The following NSD3 variants were observed in gnomAD, a reference collection of about 807,000 sequenced individuals.
NSD3 encodes nuclear receptor binding SET domain protein 3.
A neutral mutation model predicts 160.8 loss-of-function variants in NSD3; 24 were observed. The observed-to-expected ratio is 0.15, with a 90% confidence interval of 0.11 to 0.21. The LOEUF (loss-of-function observed/expected upper bound fraction) is 0.21, where lower values mean the gene tolerates loss of function less well. NSD3 is among the 10% of genes least tolerant of loss of function. NSD3 has a pLI of 1.00. For synonymous variants in NSD3, 520 were observed against 600.0 expected (o/e 0.87, Z 1.95); for missense variants, 1,157 against 1,735.9 (o/e 0.67, Z 5.93).
chr8:38,351,615 A>G (rs182050669), intron 1 of NSD3, among the ~76,000 whole-genome samples: 71 of 151,512 alleles, frequency 4.7e-4, no homozygotes, highest in African/African-American at 1.6e-3. Flanking sequence ...GTGAGCAGAG[A>G]TCGCACCATT....
intron 1 of NSD3, among the ~76,000 whole-genome samples, chr8:38,370,161 C>A (rs975303430): frequency 3.3e-5 from 5 of 152,020 alleles, no homozygotes; most frequent in South Asian, 2.1e-4. Context: ...GAACAACTTT[C>A]GGGGGGAAGG....
chr8:38,282,771 T>G (rs1224389886), intron 19 of NSD3, among the ~76,000 whole-genome samples: 1 of 150,480 alleles, frequency 6.6e-6, no homozygotes, highest in Non-Finnish European at 1.5e-5. Flanking sequence ...ATCAGGCAGA[T>G]TCTCTTGAGA....
In NSD3 at chr8:38,317,586, G is replaced by C; in HGVS notation, c.1855+1309C>G. ...ATTAAAAAAAATAAGAACTTTTAAT[G>C]ATTGTAATGTATACAGTTTGGGCTG... is the stretch of plus-strand genomic sequence containing the variant. On this transcript the variant is annotated intron_variant, in intron 9 of 23. Coordinates refer to ENST00000317025, the MANE Select transcript of NSD3 (RefSeq NM_023034.2). The surrounding 1 kb of genome is among the most constrained non-coding windows in gnomAD (Gnocchi z 5.3). 3 of 1,071,686 alleles carry C rather than the reference G, an allele frequency of 2.8e-6. No homozygotes were observed. Among genetic ancestry groups the C allele is most frequent in the Non-Finnish European group, 2.3e-6 (2 of 883,596 alleles). The allele number at this position is 1,071,686 out of a possible 1,614,324, so 66.4% of individuals were successfully genotyped here. A position where few individuals can be genotyped will look rare whatever the true frequency, so the allele number is the denominator to read the frequency against.
At chr8:38,352,218 T>C (rs1273774415) in intron 1 of NSD3, among the ~76,000 whole-genome samples, 1 of 152,110 alleles carries the variant, frequency 6.6e-6, no homozygotes, top group Admixed American at 6.5e-5. Context: ...AAGCTGACAA[T>C]ACACTTTTCA....
At chr8:38,325,742 A>G (rs1809892907) in intron 7 of NSD3, among the ~76,000 whole-genome samples, 1 of 151,958 alleles carries the variant, frequency 6.6e-6, no homozygotes, top group South Asian at 2.1e-4. Context: ...CTGTGGTCCC[A>G]GCTACCTAGG....
rs757422701 is a variant in NSD3 at position 38,329,889 on chromosome 8, C to T, written c.1070G>A (p.Arg357Gln). 3.2e-6 allele frequency: 5 copies of T among 1,568,512 alleles called. No homozygotes were observed. Among genetic ancestry groups the T allele is most frequent in the South Asian group, 2.3e-5 (2 of 85,774 alleles). Residue 357 changes from arginine (R) to glutamine (Q), a missense_variant, in exon 6 of 24, where the codon CGG (arginine) becomes CAG (glutamine). Arg to Gln is a conservative substitution (Grantham distance 43). Coordinates refer to ENST00000317025, the MANE Select transcript of NSD3 (RefSeq NM_023034.2). The surrounding 1 kb of genome is among the most constrained non-coding windows in gnomAD (Gnocchi z 4.8). ...ACGTTCTCTCTGAGGTCGGGGTTTCCGAATCTTTAAAAAAGATAGAGATTA... is the reference window on the plus strand; with the variant it reads ...ACGTTCTCTCTGAGGTCGGGGTTTCTGAATCTTTAAAAAAGATAGAGATTA... Reference protein sequence around the residue: ...ASNHSEKQKIRKPRPQRERAQ... With the variant: ...ASNHSEKQKIQKPRPQRERAQ...
chr8:38,336,624 G>A (rs1181031128), intron 4 of NSD3, among the ~76,000 whole-genome samples: 3 of 152,094 alleles, frequency 2.0e-5, no homozygotes, highest in Admixed American at 6.5e-5. Flanking sequence ...AAGAAGGCTT[G>A]GCGCAAATGC....
At chr8:38,338,423 T>G in intron 3 of NSD3, 113 bp downstream of exon 3, 1 of 829,754 alleles carries the variant, frequency 1.2e-6, no homozygotes, top group South Asian at 1.7e-5. Flanking sequence ...TATTTCAATA[T>G]AATTTCTGAA....
intron 1 of NSD3, among the ~76,000 whole-genome samples, chr8:38,349,697 T>TATATA (rs1585912859): frequency 3.3e-5 from 3 of 89,880 alleles, no homozygotes; most frequent in Non-Finnish European, 4.9e-5. Flanking sequence ...ATATATGTAT[T>TATATA]TATTATACTT....
At position 38,304,643 on chromosome 8, in the gene NSD3, T is replaced by C. The variant is rs1809352923; in HGVS notation, c.2555A>G (p.Lys852Arg). ...TACAGCAGAAGAATTACTGCTCCGTTTGGAATGATTACTACAGATGAGAAT... is the reference window on the plus strand; with the variant it reads ...TACAGCAGAAGAATTACTGCTCCGTCTGGAATGATTACTACAGATGAGAAT... ...SYILICSNHS[K>R]RSSNSSAVNV... The change falls in exon 14 of 24, where the codon AAA (lysine) becomes AGA (arginine). Residue 852 changes from lysine to arginine, a missense_variant. Lys to Arg is a conservative substitution (Grantham distance 26, BLOSUM62 2). Coordinates refer to ENST00000317025, the MANE Select transcript of NSD3 (RefSeq NM_023034.2). The C allele has an allele frequency of 6.2e-7, 1 of 1,614,004 alleles. No individual in the cohort carries two copies. The highest frequency in any genetic ancestry group is 8.5e-7 in the Non-Finnish European group (1 of 1,179,980).
chr8:38,276,156 GA>G, intron 23 of NSD3, 139 bp downstream of exon 23: 1 of 1,000,044 alleles, frequency 1.0e-6, no homozygotes, highest in Non-Finnish European at 1.5e-6. Context: ...TGTGTAAGGG[GA>G]AAGATTTTTG....
chr8:38,378,691 C>T (rs909421128), intron 1 of NSD3, among the ~76,000 whole-genome samples: 4 of 151,958 alleles, frequency 2.6e-5, no homozygotes, highest in South Asian at 2.1e-4. Flanking sequence ...GGCATGGTGG[C>T]GTGTGCCTGT....
chr8:38,331,425 A>C lies in NSD3; in HGVS notation c.1065+6T>G. On this transcript the variant is annotated splice_donor_region_variant and intron_variant, in intron 5 of 23. Transcript: ENST00000317025. Reference sequence around the variant, plus strand: ...ACTAGGTAAATAATATTAACATGTTAGTTACCTTTTGTTTCTCAGAGTGAT... The same window carrying C: ...ACTAGGTAAATAATATTAACATGTTCGTTACCTTTTGTTTCTCAGAGTGAT... 1 of 1,591,680 alleles carries C rather than the reference A, an allele frequency of 6.3e-7. No individual in the cohort carries two copies. The highest frequency in any genetic ancestry group is 1.2e-5 in the South Asian group (1 of 85,414).
Position 38,288,532 on chromosome 8 carries a change from C to T in NSD3, c.3456G>A (p.Thr1152=), listed in dbSNP as rs769133965. ...TCCTGAGGCCCCAGCCTCTCCGCTC[C>T]GTTTTGATGATCTCTGCATCAGGGT... ...RLYPDAEIIK[T]ERRGWGLRTK... is the part of the protein sequence containing the mutation. The change falls in exon 19 of 24, where the codon ACG becomes ACA. Residue 1152 remains threonine (T), a synonymous_variant. Coordinates refer to ENST00000317025, the MANE Select transcript of NSD3 (RefSeq NM_023034.2). The surrounding 1 kb of genome is among the most constrained non-coding windows in gnomAD (Gnocchi z 4.5). The T allele has an allele frequency of 5.4e-5, 87 of 1,614,190 alleles. No homozygotes were observed. The highest frequency in any genetic ancestry group is 7.2e-5 in the Non-Finnish European group (85 of 1,180,036).
Position 38,296,329 on chromosome 8 carries a change from C to A in NSD3, c.2759-377G>T, listed in dbSNP as rs10113696. ...TTTCAAACATGTAAGTAGCAACTTT[C>A]TTTTCTCCTTCAGAGGTAAGAAAGA... is the stretch of plus-strand genomic sequence containing the variant. On this transcript the variant is annotated intron_variant, in intron 15 of 23. Transcript: ENST00000317025. 6.7e-3 allele frequency among the ~76,000 whole-genome samples: 1,018 copies of A among 152,290 alleles called. 10 individuals are homozygous for A. The highest frequency in any genetic ancestry group is 0.023 in the African/African-American group (970 of 41,556).
chr8:38,316,304 C>A lies in NSD3; in HGVS notation c.1856-262G>T, dbSNP rs954330306. 2.4e-5 allele frequency: 24 copies of A among 994,978 alleles called. No homozygotes were observed. The African/African-American group carries it at 3.2e-4, about 13-fold the overall frequency. The allele number at this position is 994,978 out of a possible 1,614,324, so 61.6% of individuals were successfully genotyped here. ...AGCTATTTTCAGTCAACAGAGCCCA[C>A]GTTCCAACCTAAAAATCAATTCTAT... is the stretch of plus-strand genomic sequence containing the variant. On this transcript the variant is annotated intron_variant, in intron 9 of 23. Transcript: ENST00000317025. This position sits in a 1 kb window ranked among gnomAD's most constrained non-coding sequence, Gnocchi z 4.5.
At chr8:38,281,649 C>T (rs1808737407) in intron 19 of NSD3, 66 bp from the exon 20 acceptor site, 1 of 934,438 alleles carries the variant, frequency 1.1e-6, no homozygotes, top group Admixed American at 2.5e-5. Context: ...CTTAATGACA[C>T]ATGTATAACC....
chr8:38,361,625 T>G (rs1342116231), intron 1 of NSD3, among the ~76,000 whole-genome samples: 4 of 151,442 alleles, frequency 2.6e-5, no homozygotes, highest in South Asian at 2.1e-4. Flanking sequence ...CGTGGTGGCG[T>G]GCGCCTGTAG....
chr8:38,379,420 C>T lies in NSD3; in HGVS notation c.-45+2379G>A, dbSNP rs189596171. On this transcript the variant is annotated intron_variant, in intron 1 of 23. Coordinates refer to ENST00000317025, the MANE Select transcript of NSD3 (RefSeq NM_023034.2). ...CAATTTACCAGCTAATTACAAATAA[C>T]ATGTCAATCAAGTAGGAGATATAAA... is the stretch of plus-strand genomic sequence containing the variant. Among the ~76,000 whole-genome samples, 1,061 of 151,390 alleles carry T rather than the reference C, an allele frequency of 7.0e-3. 8 individuals carry two copies. The highest frequency in any genetic ancestry group is 0.011 in the Non-Finnish European group (740 of 67,932).
Sources: allele counts gnomAD v4.1 joint callset (sites outside exome capture counted in the v4.1 genomes callset), GRCh38; gene constraint gnomAD v4.1.1; non-coding constraint Gnocchi (gnomAD v3.1); transcripts MANE v1.5; gene names NCBI Gene and HGNC (gene_info 2026-07-23, HGNC 2026-07-21).